PDZRN4: variants seen among roughly 807,000 people sequenced by gnomAD.
The protein encoded by PDZRN4 is PDZ domain-containing RING finger protein 4.
A neutral mutation model predicts 99.0 loss-of-function variants in PDZRN4; 70 were observed. The ratio of observed to expected loss-of-function variants is 0.71; its 90% CI spans 0.58 to 0.86. The LOEUF is 0.86. Ranked by LOEUF, PDZRN4 falls within the 40% of genes least tolerant of loss-of-function variation. The probability of loss-of-function intolerance (pLI) is 0.00; values close to 1 mark genes in which losing one functional copy is unlikely to be tolerated. For missense variants in PDZRN4, 1,474 were observed against 1,331.2 expected, an observed-to-expected ratio of 1.11 and a Z score of -1.67; for synonymous variants, 551 against 501.6, an observed-to-expected ratio of 1.10 and a Z score of -1.32.
At chr12:41,546,467 T>C (rs1399570211) in intron 5 of PDZRN4, among the ~76,000 whole-genome samples, 1 of 152,212 alleles carries the variant, frequency 6.6e-6, no homozygotes, top group African/African-American at 2.4e-5. Context: ...AAAATCATGA[T>C]ACATACTGTA....
At chr12:41,202,987 A>T (rs1357002845) in intron 3 of PDZRN4, among the ~76,000 whole-genome samples, 1 of 152,058 alleles carries the variant, frequency 6.6e-6, no homozygotes, top group Non-Finnish European at 1.5e-5. Flanking sequence ...CAATAGATTT[A>T]CTCTATGAAA....
intron 3 of PDZRN4, among the ~76,000 whole-genome samples, chr12:41,209,182 T>C (rs1290676578): frequency 2.0e-5 from 3 of 151,930 alleles, no homozygotes; most frequent in African/African-American, 4.8e-5. Context: ...GAAGCGGTGG[T>C]TTATTTTGAA....
At chr12:41,478,078 C>A (rs1306307887) in intron 3 of PDZRN4, among the ~76,000 whole-genome samples, 1 of 151,938 alleles carries the variant, frequency 6.6e-6, no homozygotes, top group African/African-American at 2.4e-5. Flanking sequence ...CTCATAGGTA[C>A]CTTAAATGTT....
chr12:41,423,076 T>C (rs1252595908), intron 3 of PDZRN4, among the ~76,000 whole-genome samples: 1 of 152,184 alleles, frequency 6.6e-6, no homozygotes, highest in Non-Finnish European at 1.5e-5. Flanking sequence ...ATAGTTTTTA[T>C]TTCTTGAGTG....
intron 3 of PDZRN4, among the ~76,000 whole-genome samples, chr12:41,281,293 C>A (rs1294962660): frequency 6.6e-6 from 1 of 151,838 alleles, no homozygotes; most frequent in African/African-American, 2.4e-5. Context: ...ATTTCAAAAA[C>A]CAGAATGCCT....
At chr12:41,411,006 A>G (rs1359860911) in intron 3 of PDZRN4, among the ~76,000 whole-genome samples, 1 of 151,796 alleles carries the variant, frequency 6.6e-6, no homozygotes, top group Admixed American at 6.6e-5. Context: ...AGGCTCCCGA[A>G]TAGCTAGGAC....
intron 3 of PDZRN4, among the ~76,000 whole-genome samples, chr12:41,230,582 T>C (rs1309028166): frequency 6.6e-6 from 1 of 152,128 alleles, no homozygotes; most frequent in African/African-American, 2.4e-5. Context: ...ACATGCAATC[T>C]GTTAGAAATA....
intron 8 of PDZRN4, among the ~76,000 whole-genome samples, chr12:41,566,348 A>T (rs1015786394): frequency 2.6e-5 from 4 of 152,182 alleles, no homozygotes; most frequent in African/African-American, 4.8e-5. Context: ...CCCCATTTTA[A>T]GTAATTTTTT....
intron 3 of PDZRN4, among the ~76,000 whole-genome samples, chr12:41,497,455 T>C (rs1483613582): frequency 6.6e-6 from 1 of 152,128 alleles, no homozygotes; most frequent in African/African-American, 2.4e-5. Context: ...ACTCAGTGAA[T>C]AGGTTTATTA....
At chr12:41,214,022 T>C (rs1035594891) in intron 3 of PDZRN4, among the ~76,000 whole-genome samples, 4 of 151,894 alleles carry the variant, frequency 2.6e-5, no homozygotes, top group African/African-American at 9.7e-5. Flanking sequence ...TTCGTAAAAA[T>C]TTTGTTAAAT....
intron 3 of PDZRN4, among the ~76,000 whole-genome samples, chr12:41,265,782 T>C (rs949859705): frequency 2.0e-5 from 3 of 152,202 alleles, no homozygotes; most frequent in Non-Finnish European, 2.9e-5. Flanking sequence ...AGGATACTAT[T>C]ATCAATTGCA....
chr12:41,188,976 TGCTGGCGCA>T lies in PDZRN4; in HGVS notation c.525_533del (p.Ala176_Leu178del). On this transcript the variant is annotated inframe_deletion, in exon 1 of 10. Coordinates refer to ENST00000402685, the MANE Select transcript of PDZRN4 (RefSeq NM_001164595.2). ...GCCTGGAGGCGGCGCGAGAAGGCGC[TGCTGGCGCA>T]GCTCTGGGCGCTGCAGGGCGAGGTG... 1 of 1,485,516 alleles carries T rather than the reference TGCTGGCGCA, an allele frequency of 6.7e-7. No homozygotes were observed. Among genetic ancestry groups the T allele is most frequent in the Non-Finnish European group, 8.9e-7 (1 of 1,120,666 alleles). The allele number at this position is 1,485,516 out of a possible 1,614,324, so 92.0% of individuals were successfully genotyped here.
intron 3 of PDZRN4, among the ~76,000 whole-genome samples, chr12:41,463,946 T>C (rs991174083): frequency 2.0e-5 from 3 of 152,178 alleles, no homozygotes; most frequent in Non-Finnish European, 4.4e-5. Flanking sequence ...TATGGGTGAT[T>C]CTGGGAGCCA....
intron 3 of PDZRN4, among the ~76,000 whole-genome samples, chr12:41,428,152 C>CT (rs1211653359): frequency 2.6e-5 from 4 of 152,054 alleles, no homozygotes; most frequent in Admixed American, 6.5e-5. Context: ...TACCTGCCTA[C>CT]TTTTTTTGAT....
chr12:41,318,276 T>A (rs1415780145), intron 3 of PDZRN4, among the ~76,000 whole-genome samples: 1 of 152,208 alleles, frequency 6.6e-6, no homozygotes, highest in Non-Finnish European at 1.5e-5. Context: ...TAAGTACCTA[T>A]ATATAATTCT....
At chr12:41,492,686 G>T (rs1937912124) in intron 3 of PDZRN4, among the ~76,000 whole-genome samples, 1 of 152,024 alleles carries the variant, frequency 6.6e-6, no homozygotes. Context: ...AGATCTTGGT[G>T]GTGTAAGAAA....
intron 3 of PDZRN4, chr12:41,437,786 T>G: frequency 6.5e-7 from 1 of 1,544,332 alleles, no homozygotes. Flanking sequence ...CACACCACTC[T>G]GGCTTACGCT....
chr12:41,249,811 G>C (rs1161412432), intron 3 of PDZRN4, among the ~76,000 whole-genome samples: 1 of 152,148 alleles, frequency 6.6e-6, no homozygotes, highest in Non-Finnish European at 1.5e-5. Flanking sequence ...CTAGTAGGAA[G>C]GTAAAGAAGC....
intron 3 of PDZRN4, among the ~76,000 whole-genome samples, chr12:41,376,318 G>T (rs74396157): frequency 0.046 from 7,011 of 152,058 alleles, 503 homozygotes; most frequent in African/African-American, 0.16. Flanking sequence ...TTCCATAATG[G>T]TTGTACCAAT....
Sources: gnomAD v4.1 joint callset for allele counts (sites outside exome capture counted in the v4.1 genomes callset) on GRCh38, gnomAD v4.1.1 for gene constraint, MANE v1.5 for transcripts, NCBI Gene and HGNC (gene_info 2026-07-23, HGNC 2026-07-21) for gene names.